GSDME: variants seen among roughly 807,000 people sequenced by gnomAD.
GSDME encodes the protein gasdermin-E.
In GSDME, 44 loss-of-function variants were observed where a neutral mutation model predicts 47.5. The ratio of observed to expected loss-of-function variants is 0.93; its 90% CI spans 0.73 to 1.19. The LOEUF (loss-of-function observed/expected upper bound fraction) is 1.19, where lower values mean the gene tolerates loss of function less well. Among genes scored for constraint, GSDME ranks in the 50% most tolerant of loss-of-function variants. GSDME has a pLI of 0.00. For missense variants in GSDME, 663 were observed against 604.2 expected (o/e 1.10, Z -1.02); for synonymous variants, 258 against 252.8 (o/e 1.02, Z -0.20).
intron 5 of GSDME, among the ~76,000 whole-genome samples, chr7:24,710,950 A>T (rs1789330720): frequency 6.6e-6 from 1 of 152,244 alleles, no homozygotes; most frequent in African/African-American, 2.4e-5. Flanking sequence ...AAAAGAATAC[A>T]TTCTCTCTGA....
chr7:24,782,268 C>G, the GSDME span, among the ~76,000 whole-genome samples: 1 of 145,802 alleles, frequency 6.9e-6, no homozygotes, highest in Non-Finnish European at 1.5e-5. Context: ...TTCCTATGTC[C>G]AAGTGTTCTC....
At chr7:24,722,970 G>A (rs1474691478) in intron 3 of GSDME, among the ~76,000 whole-genome samples, 2 of 152,118 alleles carry the variant, frequency 1.3e-5, no homozygotes, top group African/African-American at 2.4e-5. Context: ...GCTAGGATTC[G>A]GGTGACCAGA....
the GSDME span, among the ~76,000 whole-genome samples, chr7:24,792,141 A>G: frequency 2.6e-5 from 4 of 152,342 alleles, no homozygotes; most frequent in East Asian, 5.8e-4. Context: ...TGCCAACGGT[A>G]TATTTGATTC....
chr7:24,753,678 G>C (rs970416031), intron 1 of GSDME, among the ~76,000 whole-genome samples: 1 of 152,188 alleles, frequency 6.6e-6, no homozygotes, highest in African/African-American at 2.4e-5. Context: ...TGATAGGTGA[G>C]AAATGGAATC....
the GSDME span, among the ~76,000 whole-genome samples, chr7:24,783,592 A>C: frequency 6.6e-6 from 1 of 152,182 alleles, no homozygotes; most frequent in South Asian, 2.1e-4. Flanking sequence ...GTTTACAAGC[A>C]GATTAATGAT....
chr7:24,744,430 A>G lies in GSDME; in HGVS notation c.404+132T>C. On this transcript the variant is annotated intron_variant, in intron 3 of 9. Coordinates refer to ENST00000645220, the MANE Select transcript of GSDME (RefSeq NM_001127453.2). The surrounding 1 kb of genome is among the most constrained non-coding windows in gnomAD (Gnocchi z 4.5). ...AGAATGTGCTCCTCATGAAATTTCA[A>G]CACAAGCGCATTCAATACATGTTTA... is the stretch of plus-strand genomic sequence containing the variant. 9.7e-7 allele frequency: 1 copy of G among 1,033,254 alleles called. No individual in the cohort carries two copies. The highest frequency in any genetic ancestry group is 1.5e-6 in the Non-Finnish European group (1 of 669,184). The allele number at this position is 1,033,254 out of a possible 1,614,324, so 64.0% of individuals were successfully genotyped here. A position where few individuals can be genotyped will look rare whatever the true frequency, so the allele number is the denominator to read the frequency against.
At chr7:24,790,459 T>C in the GSDME span, among the ~76,000 whole-genome samples, 6 of 152,154 alleles carry the variant, frequency 3.9e-5, no homozygotes, top group African/African-American at 1.4e-4. This position sits in a 1 kb window ranked among gnomAD's most constrained non-coding sequence, Gnocchi z 4.1. Flanking sequence ...AGTTCGCCTG[T>C]TTTTATGGGC....
At chr7:24,763,914 G>C in the GSDME span, among the ~76,000 whole-genome samples, 16 of 152,200 alleles carry the variant, frequency 1.1e-4, no homozygotes, top group Non-Finnish European at 2.2e-4. This position sits in a 1 kb window ranked among gnomAD's most constrained non-coding sequence, Gnocchi z 4.3. Flanking sequence ...AAACCAGACA[G>C]CTGAACTGAT....
upstream of GSDME, among the ~76,000 whole-genome samples, chr7:24,761,928 T>G (rs1791171203): frequency 6.6e-6 from 1 of 152,202 alleles, no homozygotes; most frequent in Non-Finnish European, 1.5e-5. The surrounding 1 kb of genome is among the most constrained non-coding windows in gnomAD (Gnocchi z 4.4). Flanking sequence ...TCCAGACATC[T>G]TCTATCTGCC....
In GSDME at chr7:24,729,488, A is replaced by G. The variant is rs74362152; in HGVS notation, c.405-10270T>C. On this transcript the variant is annotated intron_variant, in intron 3 of 9. Transcript: ENST00000645220. ...CACAGACGCAGGCAACTTCCGACAC[A>G]CTTGACCCTACGGCGTGGTTAGTAT... Among the ~76,000 whole-genome samples the G allele has an allele frequency of 9.8e-5, 15 of 152,316 alleles. 1 individual carries two copies. The East Asian group carries it at 2.9e-3, about 29-fold the overall frequency.
Position 24,706,222 on chromosome 7 carries a change from AGCTGCTT to A in GSDME, c.1138_1144del (p.Lys380CysfsTer3). On this transcript the variant is annotated frameshift_variant, in exon 8 of 10. Transcript: ENST00000645220. LOFTEE classifies it high-confidence loss of function. ...GACCAAGAAGTAGGCTGTCATAAACAGCTGCTTGCTGCCTGCATCCTCGGGGCCCGGA... is the reference window on the plus strand; with the variant it reads ...GACCAAGAAGTAGGCTGTCATAAACAGCTGCCTGCATCCTCGGGGCCCGGA... The A allele has an allele frequency of 6.2e-7, 1 of 1,614,244 alleles. No homozygotes were observed. Among genetic ancestry groups the A allele is most frequent in the Non-Finnish European group, 8.5e-7 (1 of 1,180,044 alleles).
Position 24,729,896 on chromosome 7 carries a change from C to T in GSDME, c.405-10678G>A, listed in dbSNP as rs371060291. On this transcript the variant is annotated intron_variant, in intron 3 of 9. Coordinates refer to ENST00000645220, the MANE Select transcript of GSDME (RefSeq NM_001127453.2). ...GGAGAATCAACTGGAAGGGGAGAGA[C>T]GAGAACAGGTAAGAGATGGTTGGTG... 4.1e-4 allele frequency among the ~76,000 whole-genome samples: 62 copies of T among 152,166 alleles called. No individual in the cohort carries two copies. In the East Asian group the frequency reaches 9.3e-3, roughly 23 times the overall value.
At chr7:24,791,463 C>A in the GSDME span, among the ~76,000 whole-genome samples, 2 of 152,200 alleles carry the variant, frequency 1.3e-5, no homozygotes, top group Admixed American at 1.3e-4. This position sits in a 1 kb window ranked among gnomAD's most constrained non-coding sequence, Gnocchi z 4.8. Flanking sequence ...TGACACACTG[C>A]TGTGCCACTG....
intron 6 of GSDME, among the ~76,000 whole-genome samples, chr7:24,709,408 G>GA (rs59938883): frequency 0.07 from 10,673 of 152,228 alleles, 982 homozygotes; most frequent in East Asian, 0.31. Flanking sequence ...GCCAAGATAG[G>GA]AAAGCCTTAT....
At position 24,698,753 on chromosome 7, in the gene GSDME, G is replaced by A. The variant is rs17149888; in HGVS notation, c.*273C>T. On this transcript the variant is annotated 3_prime_UTR_variant, in exon 10 of 10. Coordinates refer to ENST00000645220, the MANE Select transcript of GSDME (RefSeq NM_001127453.2). Reference sequence around the variant, plus strand: ...TATTGTGCAGAAAAAACGTCTGAATGTATGCTAAGAATTCTCCGCCCTCCC... The same window carrying A: ...TATTGTGCAGAAAAAACGTCTGAATATATGCTAAGAATTCTCCGCCCTCCC... 19,572 of 483,308 alleles carry A rather than the reference G, an allele frequency of 0.04. 1,501 individuals are homozygous for A. The highest frequency in any genetic ancestry group is 0.19 in the African/African-American group (9,791 of 51,308). 29.9% of individuals were successfully genotyped at this position (483,308 alleles called of 1,614,324 possible).
intron 1 of GSDME, among the ~76,000 whole-genome samples, chr7:24,752,566 G>A (rs1001101945): frequency 6.6e-6 from 1 of 152,192 alleles, no homozygotes; most frequent in Non-Finnish European, 1.5e-5. Context: ...GGCTCCCTGG[G>A]GTGTCATGCT....
chr7:24,780,867 C>G, the GSDME span, among the ~76,000 whole-genome samples: 1 of 152,072 alleles, frequency 6.6e-6, no homozygotes, highest in Non-Finnish European at 1.5e-5. The surrounding 1 kb of genome is among the most constrained non-coding windows in gnomAD (Gnocchi z 4.1). Context: ...TCACCCAATT[C>G]CCTCAAAGAA....
At chr7:24,729,201 G>C (rs1790063479) in intron 3 of GSDME, among the ~76,000 whole-genome samples, 1 of 152,232 alleles carries the variant, frequency 6.6e-6, no homozygotes, top group East Asian at 1.9e-4. Flanking sequence ...ATGCCCAGAA[G>C]TGACTTCACG....
intron 1 of GSDME, among the ~76,000 whole-genome samples, chr7:24,750,384 A>G (rs946518043): frequency 6.6e-6 from 1 of 152,246 alleles, no homozygotes; most frequent in African/African-American, 2.4e-5. Flanking sequence ...TGGGAGGCCA[A>G]GGTGGGAGGA....
Sources: gnomAD v4.1 joint callset for allele counts (sites outside exome capture counted in the v4.1 genomes callset) on GRCh38, gnomAD v4.1.1 for gene constraint, Gnocchi (gnomAD v3.1) non-coding constraint, MANE v1.5 for transcripts, NCBI Gene and HGNC (gene_info 2026-07-23, HGNC 2026-07-21) for gene names.